The following SWT1 variants were observed in gnomAD, a reference collection of about 807,000 sequenced individuals.
The protein encoded by SWT1 is SWT1 RNA endoribonuclease homolog.
SWT1 carries 33 observed loss-of-function variants against 107.3 expected under a neutral mutation model. The ratio of observed to expected loss-of-function variants is 0.31; its 90% confidence interval spans 0.23 to 0.41. SWT1 has a LOEUF of 0.41. SWT1 is among the 10% of genes least tolerant of loss of function. The probability of loss-of-function intolerance (pLI) is 1.00; values close to 1 mark genes in which losing one functional copy is unlikely to be tolerated. For missense variants in SWT1, 898 were observed against 1,028.9 expected (o/e 0.87, Z 1.74); for synonymous variants, 345 against 348.3 (o/e 0.99, Z 0.11).
chr1:185,250,138 A>G (rs1351923242), intron 16 of SWT1, among the ~76,000 whole-genome samples: 1 of 151,960 alleles, frequency 6.6e-6, no homozygotes, highest in Non-Finnish European at 1.5e-5. Context: ...TATTTTATTT[A>G]TTTTTAAAGA....
intron 16 of SWT1, among the ~76,000 whole-genome samples, chr1:185,235,412 G>A (rs1310619131): frequency 2.0e-5 from 3 of 152,052 alleles, no homozygotes; most frequent in South Asian, 2.1e-4. Context: ...TTCAACATAC[G>A]CAATTCAATA....
chr1:185,283,444 T>G (rs1027759298), intron 18 of SWT1, among the ~76,000 whole-genome samples: 1 of 152,228 alleles, frequency 6.6e-6, no homozygotes, highest in African/African-American at 2.4e-5. Context: ...TGCAGTATCT[T>G]CTATCTTTAT....
chr1:185,289,946 G>A (rs1665154242), intron 18 of SWT1, among the ~76,000 whole-genome samples: 1 of 152,082 alleles, frequency 6.6e-6, no homozygotes, highest in Admixed American at 6.6e-5. Context: ...TAATGACAAT[G>A]TATTGTATTT....
chr1:185,176,175 C>T (rs550460252), intron 5 of SWT1, among the ~76,000 whole-genome samples: 97 of 148,268 alleles, frequency 6.5e-4, no homozygotes, highest in African/African-American at 2.3e-3. Context: ...GTGGTCCCAG[C>T]TATTCAGGTG....
At chr1:185,195,878 C>T (rs943079972) in intron 10 of SWT1, among the ~76,000 whole-genome samples, 1 of 151,494 alleles carries the variant, frequency 6.6e-6, no homozygotes, top group Non-Finnish European at 1.5e-5. Flanking sequence ...AGGTCTTTGT[C>T]GATTCTGGAT....
At position 185,184,514 on chromosome 1, in the gene SWT1, T is replaced by G. The variant is rs536977540; in HGVS notation, c.1240+170T>G. On this transcript the variant is annotated intron_variant, in intron 8 of 18. Coordinates refer to ENST00000367500, the MANE Select transcript of SWT1 (RefSeq NM_017673.7). ...AAGCCTTTACAGGTTAAACTAGCAA[T>G]CTGAACTCACTCTTTTTTTGATCTC... 2.0e-5 allele frequency among the ~76,000 whole-genome samples: 3 copies of G among 152,338 alleles called. No homozygotes were observed. In the East Asian group the frequency reaches 5.8e-4, roughly 29 times the overall value.
intron 10 of SWT1, 43 bp downstream of exon 10, chr1:185,190,685 A>G: frequency 8.2e-7 from 1 of 1,222,092 alleles, no homozygotes; most frequent in Non-Finnish European, 1.2e-6. Flanking sequence ...TAAAAAATAA[A>G]CCAAATAATT....
chr1:185,216,951 C>CAA lies in SWT1; in HGVS notation c.2121+2309_2121+2310dup, dbSNP rs1292913416. 9.3e-5 allele frequency among the ~76,000 whole-genome samples: 9 copies of CAA among 96,752 alleles called. No individual in the cohort carries two copies. The East Asian group carries it at 1.4e-3, about 16-fold the overall frequency. The allele number at this position is 96,752 out of a possible 152,430, so 63.5% of individuals were successfully genotyped here. ...TGGGAGACAGAGCAAGACTCCATTT[C>CAA]AAAAAAAAAAAAAAGAAAAGAAAAG... On this transcript the variant is annotated intron_variant, in intron 14 of 18. Transcript: ENST00000367500.
chr1:185,261,538 G>T (rs1160712444), intron 16 of SWT1, among the ~76,000 whole-genome samples: 1 of 151,962 alleles, frequency 6.6e-6, no homozygotes, highest in East Asian at 1.9e-4. Context: ...TGGACCGTAT[G>T]GTAATCCTAT....
At chr1:185,212,389 C>A (rs1658889452) in intron 13 of SWT1, among the ~76,000 whole-genome samples, 1 of 151,966 alleles carries the variant, frequency 6.6e-6, no homozygotes, top group Admixed American at 6.6e-5. Context: ...GGGGTCTGCT[C>A]TTAGACGCAG....
intron 18 of SWT1, among the ~76,000 whole-genome samples, chr1:185,277,116 T>C (rs971120661): frequency 6.6e-6 from 1 of 152,086 alleles, no homozygotes; most frequent in Non-Finnish European, 1.5e-5. Flanking sequence ...AATGACTGGC[T>C]TAATAGAAGG....
chr1:185,228,188 T>C (rs1294980426), intron 15 of SWT1, among the ~76,000 whole-genome samples: 19 of 75,762 alleles, frequency 2.5e-4, no homozygotes, highest in East Asian at 8.4e-4. Flanking sequence ...TATATATATA[T>C]ACATATATAT....
intron 9 of SWT1, among the ~76,000 whole-genome samples, chr1:185,187,606 A>T (rs1225290773): frequency 6.6e-6 from 1 of 152,174 alleles, no homozygotes; most frequent in Non-Finnish European, 1.5e-5. Context: ...AATAACTATG[A>T]TTTATATAGA....
intron 18 of SWT1, among the ~76,000 whole-genome samples, chr1:185,285,913 G>A (rs1237591972): frequency 1.3e-5 from 2 of 152,200 alleles, no homozygotes; most frequent in Non-Finnish European, 2.9e-5. Context: ...TTCATTGGAT[G>A]TCTGTCTGTC....
chr1:185,223,495 T>G (rs1181675009), intron 15 of SWT1, among the ~76,000 whole-genome samples: 1 of 152,182 alleles, frequency 6.6e-6, no homozygotes, highest in Non-Finnish European at 1.5e-5. Context: ...CTTTTCTTCT[T>G]TCTGATAATA....
chr1:185,168,988 G>C (rs1052253870), intron 4 of SWT1, among the ~76,000 whole-genome samples: 1 of 152,024 alleles, frequency 6.6e-6, no homozygotes, highest in Non-Finnish European at 1.5e-5. Flanking sequence ...GATAAAACTT[G>C]GTAAGATCAA....
At position 185,211,020 on chromosome 1, in the gene SWT1, C is replaced by CTGCT. The variant is rs143504109; in HGVS notation, c.1973-3487_1973-3486insTGCT. Among the ~76,000 whole-genome samples the CTGCT allele has an allele frequency of 2.6e-5, 4 of 151,758 alleles. No homozygotes were observed. In the South Asian group the frequency reaches 6.2e-4, roughly 24 times the overall value. ...GAAGGTCCTCGTCAAGAACTACAAA[C>CTGCT]CGCTGCTCAAGGAAGTAAGAGAGGA... On this transcript the variant is annotated intron_variant, in intron 13 of 18. Transcript: ENST00000367500.
intron 15 of SWT1, 33 bp from the exon 16 acceptor site, chr1:185,231,544 T>C (rs749499319): frequency 1.3e-6 from 2 of 1,522,238 alleles, no homozygotes; most frequent in African/African-American, 1.4e-5. Flanking sequence ...TATGTATGTA[T>C]ACCTATGAGT....
intron 17 of SWT1, among the ~76,000 whole-genome samples, chr1:185,272,664 A>G (rs2102738239): frequency 6.6e-6 from 1 of 152,316 alleles, no homozygotes; most frequent in Admixed American, 6.5e-5. Flanking sequence ...GAGTAACAAT[A>G]GTAGGTAAAT....
Sources: gnomAD v4.1 joint callset for allele counts (sites outside exome capture counted in the v4.1 genomes callset) on GRCh38, gnomAD v4.1.1 for gene constraint, MANE v1.5 for transcripts, NCBI Gene and HGNC (gene_info 2026-07-23, HGNC 2026-07-21) for gene names.